Variants in UGT1A10 observed in about 807,000 individuals in gnomAD.
UGT1A10 encodes the protein UDP glucuronosyltransferase family 1 member A10.
A neutral mutation model predicts 45.8 loss-of-function variants in UGT1A10; 49 were observed. That is an observed-to-expected ratio of 1.07 (90% CI 0.85 to 1.36). The LOEUF (loss-of-function observed/expected upper bound fraction) is 1.36, where lower values mean the gene tolerates loss of function less well. UGT1A10 is among the 40% of genes most tolerant of loss of function. The probability of loss-of-function intolerance (pLI) is 0.00; values close to 1 mark genes in which losing one functional copy is unlikely to be tolerated. For missense variants in UGT1A10, 745 were observed against 668.6 expected, an observed-to-expected ratio of 1.11 and a Z score of -1.26; for synonymous variants, 284 against 249.7, an observed-to-expected ratio of 1.14 and a Z score of -1.29.
chr2:233,705,445 G>A (rs79916929), intron 1 of UGT1A10, among the ~76,000 whole-genome samples: 4,116 of 152,216 alleles, frequency 0.027, 91 homozygotes, highest in African/African-American at 0.046. Flanking sequence ...CTTCAGAATT[G>A]CACATATTTT....
intron 1 of UGT1A10, chr2:233,713,632 T>G: frequency 3.1e-6 from 5 of 1,613,964 alleles, no homozygotes; most frequent in Non-Finnish European, 3.4e-6. Flanking sequence ...GTCAAGAACA[T>G]GCTCTACCCT....
rs536507218 is a variant in UGT1A10, at chr2:233,652,516, T to C, written c.855+15139T>C. Among the ~76,000 whole-genome samples, 192 of 152,344 alleles carry C rather than the reference T, an allele frequency of 1.3e-3. 1 individual carries two copies. The highest frequency in any genetic ancestry group is 1.9e-3 in the Non-Finnish European group (128 of 68,028). On this transcript the variant is annotated intron_variant, in intron 1 of 4. Coordinates refer to ENST00000344644, the MANE Select transcript of UGT1A10 (RefSeq NM_019075.4). ...AAGGAAAAAAGGAAAATTTGTTACA[T>C]AGCCACAATATCATTATCATTCCTC...
chr2:233,731,416 C>G (rs1172446293), intron 1 of UGT1A10, among the ~76,000 whole-genome samples: 1 of 151,828 alleles, frequency 6.6e-6, no homozygotes, highest in Admixed American at 6.6e-5. Flanking sequence ...GGTATTTTTC[C>G]TAATGCCATC....
At chr2:233,717,703 G>A in intron 1 of UGT1A10, 1 of 450,788 alleles carries the variant, frequency 2.2e-6, no homozygotes. Context: ...TCTGGAGCAG[G>A]ACGAGCCTCA....
intron 1 of UGT1A10, among the ~76,000 whole-genome samples, chr2:233,676,708 T>A (rs2074368849): frequency 6.6e-6 from 1 of 152,174 alleles, no homozygotes; most frequent in Admixed American, 6.5e-5. Flanking sequence ...TCCTCTAGAA[T>A]GTCAGTGTGT....
At position 233,682,282 on chromosome 2, in the gene UGT1A10, T is replaced by C. The variant is rs749237049; in HGVS notation, c.855+44905T>C. The C allele has an allele frequency of 3.1e-6, 5 of 1,614,194 alleles. No homozygotes were observed. The Admixed American group carries it at 5.0e-5, about 16-fold the overall frequency. ...CTCTATTAACAAGTTCATCCAATGG[T>C]ATTTTTGACTTATTTTTTTCAAATT... is the stretch of plus-strand genomic sequence containing the variant. On this transcript the variant is annotated intron_variant, in intron 1 of 4. Transcript: ENST00000344644.
intron 1 of UGT1A10, chr2:233,648,781 A>C (rs1194308938): frequency 3.5e-6 from 3 of 847,236 alleles, no homozygotes; most frequent in African/African-American, 1.7e-5. Context: ...CATGACTTTT[A>C]AGGAGAGAGT....
intron 1 of UGT1A10, chr2:233,755,031 C>T: frequency 7.6e-7 from 1 of 1,312,808 alleles, no homozygotes; most frequent in South Asian, 1.2e-5. Context: ...GAAGGGCCTG[C>T]CGCCTGCGCA....
intron 1 of UGT1A10, among the ~76,000 whole-genome samples, chr2:233,671,503 C>T (rs2074190571): frequency 6.6e-6 from 1 of 152,130 alleles, no homozygotes; most frequent in African/African-American, 2.4e-5. Context: ...GCATGAGTTG[C>T]CATCTTCTCT....
intron 1 of UGT1A10, chr2:233,682,241 T>C (rs765671686): frequency 9.3e-6 from 15 of 1,614,092 alleles, no homozygotes; most frequent in Admixed American, 5.0e-5. Flanking sequence ...GACGGCACCA[T>C]TGCGAAGTGC....
In UGT1A10 at chr2:233,772,306, G is replaced by A. The variant is rs200370335; in HGVS notation, c.1340G>A (p.Arg447His). The change falls in exon 5 of 5, where the codon CGC (arginine) becomes CAC (histidine). Residue 447 changes from arginine (R) to histidine (H), a missense_variant. By Grantham distance (29) the Arg-to-His change is conservative. Coordinates refer to ENST00000344644, the MANE Select transcript of UGT1A10 (RefSeq NM_019075.4). ...CGCCTCTCCAGCCTTCACAAGGACC[G>A]CCCGGTGGAGCCGCTGGACCTGGCC... ...IMRLSSLHKD[R>H]PVEPLDLAVF... 2.7e-5 allele frequency: 44 copies of A among 1,614,208 alleles called. No individual in the cohort carries two copies. Among genetic ancestry groups the A allele is most frequent in the Middle Eastern group, 3.3e-4 (2 of 6,062 alleles).
At chr2:233,687,261 A>G (rs2074829580) in intron 1 of UGT1A10, among the ~76,000 whole-genome samples, 2 of 152,180 alleles carry the variant, frequency 1.3e-5, no homozygotes, top group Admixed American at 6.5e-5. Flanking sequence ...GATCTTAACC[A>G]TGCATTCAGA....
chr2:233,672,170 C>T (rs1161640313), intron 1 of UGT1A10: 1 of 1,614,184 alleles, frequency 6.2e-7, no homozygotes, highest in Non-Finnish European at 8.5e-7. Flanking sequence ...ACTTATTCAA[C>T]TTCATATACC....
chr2:233,769,513 C>T lies in UGT1A10; in HGVS notation c.1295+1074C>T, dbSNP rs1575843812. ...TATGAGAGTGTCCATTGCTTTCTCC[C>T]ATGGTTACCTCCTTTAGAAAGAAGC... On this transcript the variant is annotated intron_variant, in intron 4 of 4. Coordinates refer to ENST00000344644, the MANE Select transcript of UGT1A10 (RefSeq NM_019075.4). This position sits in a 1 kb window ranked among gnomAD's most constrained non-coding sequence, Gnocchi z 4.4. 6.2e-7 allele frequency: 1 copy of T among 1,612,680 alleles called. No homozygotes were observed. The highest frequency in any genetic ancestry group is 8.5e-7 in the Non-Finnish European group (1 of 1,179,866).
At position 233,636,863 on chromosome 2, in the gene UGT1A10, G is replaced by A. The variant is rs28969683; in HGVS notation, c.341G>A (p.Ser114Asn). The A allele has an allele frequency of 3.7e-6, 6 of 1,614,164 alleles. No individual in the cohort carries two copies. Among genetic ancestry groups the A allele is most frequent in the East Asian group, 2.2e-5 (1 of 44,878 alleles). Residue 114 changes from serine to asparagine, a missense_variant, in exon 1 of 5, where the codon AGT (serine) becomes AAT (asparagine). Ser to Asn is a conservative substitution (Grantham distance 46). Transcript: ENST00000344644. ...SIFSLLMSSS[S>N]GFLDLFFSHC... is the part of the protein sequence containing the mutation. The stretch of plus-strand genomic sequence containing the variant: ...TTTTCTCTATTAATGAGTTCATCCA[G>A]TGGTTTTCTTGACTTATTTTTTTCG...
chr2:233,653,956 G>A (rs754237308), intron 1 of UGT1A10, among the ~76,000 whole-genome samples: 6 of 152,180 alleles, frequency 3.9e-5, no homozygotes, highest in Admixed American at 6.5e-5. Flanking sequence ...CATTATTGAG[G>A]ACATTTCAAC....
intron 1 of UGT1A10, among the ~76,000 whole-genome samples, chr2:233,740,004 G>C (rs1691279372): frequency 6.6e-6 from 1 of 151,810 alleles, no homozygotes; most frequent in African/African-American, 2.4e-5. Context: ...GTCATACTAA[G>C]TGAGTTCTCA....
chr2:233,639,282 G>A (rs45453792), intron 1 of UGT1A10, among the ~76,000 whole-genome samples: 10 of 152,082 alleles, frequency 6.6e-5, no homozygotes, highest in African/African-American at 2.2e-4. Flanking sequence ...AGTTTGCAGA[G>A]GGTTATGTAT....
At chr2:233,761,015 C>A (rs568151745) in intron 1 of UGT1A10, 1 of 1,614,218 alleles carries the variant, frequency 6.2e-7, no homozygotes, top group Admixed American at 1.7e-5. Flanking sequence ...AGAGAGGTGA[C>A]TGTCCAGGAC....
Sources: allele counts gnomAD v4.1 joint callset (sites outside exome capture counted in the v4.1 genomes callset), GRCh38; gene constraint gnomAD v4.1.1; non-coding constraint Gnocchi (gnomAD v3.1); transcripts MANE v1.5; gene names NCBI Gene and HGNC (gene_info 2026-07-23, HGNC 2026-07-21).